The following UNC80 variants were observed in gnomAD, a reference collection of about 807,000 sequenced individuals.
UNC80 encodes the protein unc-80 subunit of NALCN channel complex.
UNC80 carries 164 observed loss-of-function variants against 384.6 expected under a neutral mutation model. The ratio of observed to expected loss-of-function variants is 0.43; its 90% CI spans 0.38 to 0.49. The LOEUF (loss-of-function observed/expected upper bound fraction) is 0.49. Among genes scored for constraint, UNC80 ranks in the 20% least tolerant of loss-of-function variants. UNC80 has a pLI of 0.00. For missense variants in UNC80, 3,330 were observed against 4,143.0 expected (o/e 0.80, Z 5.39); for synonymous variants, 1,486 against 1,527.8 (o/e 0.97, Z 0.64).
In UNC80 at chr2:209,970,906, A is replaced by T. The variant is rs752241389; in HGVS notation, c.8205A>T (p.Pro2735=). 6.4e-7 allele frequency: 1 copy of T among 1,551,558 alleles called. No homozygotes were observed. Among genetic ancestry groups the T allele is most frequent in the South Asian group, 1.2e-5 (1 of 84,044 alleles). The change falls in exon 54 of 65, where the codon CCA becomes CCT. Residue 2735 remains proline (P), a synonymous_variant. Coordinates refer to ENST00000673920, the MANE Select transcript of UNC80 (RefSeq NM_001371986.1). ...PLLHLSPYLS[P]PLPFSTAVVR... is the part of the protein sequence containing the mutation. ...TTCATCTCAGCCCTTATCTCTCACCACCTCTGCCCTTCAGCACAGCTGTTG... is the reference window on the plus strand; with the variant it reads ...TTCATCTCAGCCCTTATCTCTCACCTCCTCTGCCCTTCAGCACAGCTGTTG...
intron 24 of UNC80, 96 bp downstream of exon 24, chr2:209,878,185 A>C: frequency 8.0e-7 from 1 of 1,254,880 alleles, no homozygotes; most frequent in East Asian, 2.9e-5. Flanking sequence ...TATTCTTACC[A>C]CCTCCCCATG....
chr2:209,958,719 A>G (rs1198805861), intron 49 of UNC80, among the ~76,000 whole-genome samples: 1 of 152,204 alleles, frequency 6.6e-6, no homozygotes, highest in East Asian at 1.9e-4. Flanking sequence ...TGAATCATAA[A>G]GCAATAAGTC....
chr2:209,899,530 T>A (rs2087158456), intron 28 of UNC80, among the ~76,000 whole-genome samples: 3 of 152,194 alleles, frequency 2.0e-5, no homozygotes, highest in Admixed American at 2.0e-4. Context: ...TGATGTTTTC[T>A]CTTTCCAGAG....
intron 29 of UNC80, among the ~76,000 whole-genome samples, chr2:209,909,190 G>A (rs6743479): frequency 6.6e-6 from 1 of 152,036 alleles, no homozygotes; most frequent in Non-Finnish European, 1.5e-5. Flanking sequence ...CTGGCATATG[G>A]TTAACTCAAA....
At chr2:209,788,016 T>C (rs1375004849) in intron 5 of UNC80, among the ~76,000 whole-genome samples, 1 of 152,192 alleles carries the variant, frequency 6.6e-6, no homozygotes, top group Non-Finnish European at 1.5e-5. Flanking sequence ...ACAGATGATC[T>C]TGATGCCGGG....
At chr2:209,975,030 A>G (rs753535353) in intron 56 of UNC80, among the ~76,000 whole-genome samples, 8 of 152,132 alleles carry the variant, frequency 5.3e-5, no homozygotes, top group Non-Finnish European at 8.8e-5. Flanking sequence ...GAATCTTGCA[A>G]TCTCTCTCTC....
intron 48 of UNC80, among the ~76,000 whole-genome samples, chr2:209,954,588 A>AG (rs1373375542): frequency 6.6e-6 from 1 of 152,182 alleles, no homozygotes; most frequent in Admixed American, 6.5e-5. Flanking sequence ...CTTGTGTAAG[A>AG]GGGCCAATTT....
intron 29 of UNC80, among the ~76,000 whole-genome samples, chr2:209,908,541 A>G (rs544483759): frequency 2.0e-5 from 3 of 152,348 alleles, no homozygotes; most frequent in Admixed American, 2.0e-4. Flanking sequence ...TGTTTAATTA[A>G]TGCTTGTTAA....
chr2:209,965,104 A>G (rs77108711), intron 51 of UNC80, among the ~76,000 whole-genome samples: 4,913 of 152,128 alleles, frequency 0.032, 162 homozygotes, highest in South Asian at 0.14. Flanking sequence ...AGTCTAGGGT[A>G]GGGAAAAGGG....
At chr2:209,833,877 T>A in intron 16 of UNC80, 125 bp from the exon 17 acceptor site, 2 of 901,328 alleles carry the variant, frequency 2.2e-6, no homozygotes, top group East Asian at 5.3e-5. Flanking sequence ...TAGTAAACTG[T>A]CCTGTCTTAA....
chr2:209,787,068 T>C (rs2077485617), intron 5 of UNC80, among the ~76,000 whole-genome samples: 1 of 118,536 alleles, frequency 8.4e-6, no homozygotes, highest in Non-Finnish European at 1.6e-5. Flanking sequence ...ATTTGCTTAA[T>C]TCATAAGGGT....
rs775348105 is a variant in UNC80, at chr2:209,918,691, T to A, written c.5343+28T>A. ...GAGTAACAGACACTTCCAGGTTCCA[T>A]GGTGTACGTGTAAAAGAGAACAATT... On this transcript the variant is annotated intron_variant, in intron 33 of 64. Transcript: ENST00000673920. The A allele has an allele frequency of 3.3e-6, 5 of 1,521,722 alleles. No individual in the cohort carries two copies. In the South Asian group the frequency reaches 6.2e-5, roughly 19 times the overall value. 94.3% of individuals were successfully genotyped at this position (1,521,722 alleles called of 1,614,324 possible). A position where few individuals can be genotyped will look rare whatever the true frequency, so the allele number is the denominator to read the frequency against.
intron 25 of UNC80, 143 bp from the exon 26 acceptor site, chr2:209,887,952 A>T (rs754152180): frequency 6.1e-6 from 4 of 658,760 alleles, no homozygotes; most frequent in Non-Finnish European, 1.0e-5. Context: ...TTGCATGGTC[A>T]CAATCTAAAA....
chr2:209,910,855 T>C (rs2088848117), intron 29 of UNC80, among the ~76,000 whole-genome samples: 1 of 152,256 alleles, frequency 6.6e-6, no homozygotes, highest in African/African-American at 2.4e-5. Context: ...TATAAAATCA[T>C]AGTAAAATGA....
chr2:209,861,965 T>C (rs1339725892), intron 22 of UNC80, among the ~76,000 whole-genome samples: 1 of 152,244 alleles, frequency 6.6e-6, no homozygotes, highest in Non-Finnish European at 1.5e-5. Context: ...TCTATTTTGC[T>C]TATTTTTTCA....
chr2:209,779,955 A>C (rs1386143340), intron 4 of UNC80, among the ~76,000 whole-genome samples: 1 of 152,254 alleles, frequency 6.6e-6, no homozygotes, highest in African/African-American at 2.4e-5. Context: ...CTACTGTAAG[A>C]CATTGAGCAA....
chr2:209,817,146 A>T, intron 10 of UNC80, 21 bp downstream of exon 10: 1 of 1,547,498 alleles, frequency 6.5e-7, no homozygotes, highest in South Asian at 1.2e-5. Flanking sequence ...GGCCTTCCAA[A>T]ATAGGGCAGA....
chr2:209,880,931 T>G (rs2085233602), intron 24 of UNC80, 30 bp from the exon 25 acceptor site: 1 of 1,548,666 alleles, frequency 6.5e-7, no homozygotes, highest in African/African-American at 1.4e-5. Flanking sequence ...TTGATTTGTC[T>G]CCTTATGAAA....
rs147351136 is a variant in UNC80 at position 209,871,007 on chromosome 2, C to G, written c.3628-1751C>G. 2.0e-3 allele frequency among the ~76,000 whole-genome samples: 308 copies of G among 152,244 alleles called. 2 individuals are homozygous for G. Among genetic ancestry groups the G allele is most frequent in the African/African-American group, 7.2e-3 (298 of 41,540 alleles). Reference sequence around the variant, plus strand: ...GTTGACATAATTGGACCATAAAGCACTTGAGATGGGCATAGAAAAGGAGAT... The same window carrying G: ...GTTGACATAATTGGACCATAAAGCAGTTGAGATGGGCATAGAAAAGGAGAT... On this transcript the variant is annotated intron_variant, in intron 22 of 64. Transcript: ENST00000673920.
Sources: gnomAD v4.1 joint callset for allele counts (sites outside exome capture counted in the v4.1 genomes callset) on GRCh38, gnomAD v4.1.1 for gene constraint, MANE v1.5 for transcripts, NCBI Gene and HGNC (gene_info 2026-07-23, HGNC 2026-07-21) for gene names.